The following ADAMTS17 variants were observed in gnomAD, a reference collection of about 807,000 sequenced individuals.
ADAMTS17 encodes ADAM metallopeptidase with thrombospondin type 1 motif 17.
ADAMTS17 carries 113 observed loss-of-function variants against 141.5 expected under a neutral mutation model. The observed-to-expected ratio is 0.80, with a 90% CI of 0.69 to 0.93. The LOEUF is 0.93. ADAMTS17 is among the 40% of genes least tolerant of loss of function. The pLI is 0.00. For synonymous variants in ADAMTS17, 768 were observed against 630.6 expected, an observed-to-expected ratio of 1.22 and a Z score of -3.27; for missense variants, 1,659 against 1,517.9, an observed-to-expected ratio of 1.09 and a Z score of -1.54.
intron 15 of ADAMTS17, among the ~76,000 whole-genome samples, chr15:100,095,874 C>G (rs1460161084): frequency 6.6e-6 from 1 of 152,194 alleles, no homozygotes; most frequent in Non-Finnish European, 1.5e-5. Context: ...CTCAGGTACT[C>G]CGGAGTCACA....
intron 15 of ADAMTS17, among the ~76,000 whole-genome samples, chr15:100,086,192 C>CAAA (rs979233565): frequency 2.6e-5 from 4 of 152,210 alleles, no homozygotes; most frequent in African/African-American, 9.6e-5. Flanking sequence ...GCAGAGGTTG[C>CAAA]AATCCTAGTC....
chr15:100,081,840 T>G (rs998779662), intron 15 of ADAMTS17, among the ~76,000 whole-genome samples: 1 of 152,260 alleles, frequency 6.6e-6, no homozygotes, highest in Non-Finnish European at 1.5e-5. Context: ...TCCTATACAC[T>G]TATTGACCAT....
chr15:100,187,678 C>T (rs1357834138), intron 8 of ADAMTS17, among the ~76,000 whole-genome samples: 1 of 152,162 alleles, frequency 6.6e-6, no homozygotes, highest in Non-Finnish European at 1.5e-5. Context: ...ACTCAAGACA[C>T]CCCAACAGGC....
intron 4 of ADAMTS17, among the ~76,000 whole-genome samples, chr15:100,272,052 T>C (rs2043932485): frequency 6.6e-6 from 1 of 152,208 alleles, no homozygotes. Flanking sequence ...TGAGCTCTAC[T>C]TCATTTTACT....
chr15:100,061,677 C>G (rs2033133247), intron 15 of ADAMTS17, among the ~76,000 whole-genome samples: 2 of 152,234 alleles, frequency 1.3e-5, no homozygotes, highest in Non-Finnish European at 2.9e-5. Context: ...GCCAGACACT[C>G]AGGGCTGAGC....
At chr15:100,036,158 A>G (rs73472449) in intron 18 of ADAMTS17, among the ~76,000 whole-genome samples, 1,694 of 152,340 alleles carry the variant, frequency 0.011, 37 homozygotes, top group African/African-American at 0.038. Flanking sequence ...AATGGCAGCC[A>G]TGGTGGGTGC....
At chr15:100,002,196 C>T (rs1484502988) in intron 18 of ADAMTS17, among the ~76,000 whole-genome samples, 1 of 151,948 alleles carries the variant, frequency 6.6e-6, no homozygotes, top group African/African-American at 2.4e-5. Context: ...CTCCTTTGTC[C>T]TGCCCTTTTG....
At chr15:100,127,826 C>A (rs1186831949) in intron 12 of ADAMTS17, among the ~76,000 whole-genome samples, 1 of 152,202 alleles carries the variant, frequency 6.6e-6, no homozygotes, top group Non-Finnish European at 1.5e-5. Context: ...AGGTGATCCA[C>A]CTGCCTCAGA....
At chr15:100,188,971 C>A (rs1365650979) in intron 8 of ADAMTS17, among the ~76,000 whole-genome samples, 1 of 152,266 alleles carries the variant, frequency 6.6e-6, no homozygotes, top group Non-Finnish European at 1.5e-5. Flanking sequence ...AGCTGCAACA[C>A]TGAGCATCGG....
chr15:99,993,057 G>T lies in ADAMTS17; in HGVS notation c.2940C>A (p.Asp980Glu), dbSNP rs776234546. The change falls in exon 20 of 22, where the codon GAC becomes GAA. Residue 980 changes from aspartate (D) to glutamate (E), a missense_variant. Asp to Glu is a conservative substitution (Grantham distance 45). Transcript: ENST00000268070. This position sits in a 1 kb window ranked among gnomAD's most constrained non-coding sequence, Gnocchi z 4.3. ...AGCAGGCTGCTCTCACCGTAGACCA[G>T]TCCCCAGTTTTCCACTCGTAGCAGC... Reference protein sequence around the residue: ...YSGCYEWKTGDWSTCSSTCGK... With the variant: ...YSGCYEWKTGEWSTCSSTCGK... 4 of 1,614,156 alleles carry T rather than the reference G, an allele frequency of 2.5e-6. No homozygotes were observed. Among genetic ancestry groups the T allele is most frequent in the Non-Finnish European group, 3.4e-6 (4 of 1,180,044 alleles).
In ADAMTS17 at chr15:99,974,486, C is replaced by G; in HGVS notation, c.3204G>C (p.Gln1068His). 6.2e-7 allele frequency: 1 copy of G among 1,614,246 alleles called. No homozygotes were observed. The highest frequency in any genetic ancestry group is 1.1e-5 in the South Asian group (1 of 91,090). Reference sequence around the variant, plus strand: ...AGCAGCGCTGGTACCACCGCATGTCCTGGCAGAGGTTCTTTTCTCGGATGA... The same window carrying G: ...AGCAGCGCTGGTACCACCGCATGTCGTGGCAGAGGTTCTTTTCTCGGATGA... The part of the protein sequence containing the change: ...CRVIREKNLC[Q>H]DMRWYQRCCQ... Residue 1068 changes from glutamine to histidine, a missense_variant, in exon 22 of 22, where the codon CAG becomes CAC. Physicochemically the swap from Gln to His is conservative, Grantham distance 24 (BLOSUM62 0). Coordinates refer to ENST00000268070, the MANE Select transcript of ADAMTS17 (RefSeq NM_139057.4).
At chr15:100,258,090 T>C (rs115762716) in intron 6 of ADAMTS17, among the ~76,000 whole-genome samples, 1 of 152,358 alleles carries the variant, frequency 6.6e-6, no homozygotes, top group African/African-American at 2.4e-5. Context: ...CTTGTACATA[T>C]ACAGCATATC....
intron 15 of ADAMTS17, among the ~76,000 whole-genome samples, chr15:100,077,264 T>G (rs2034439591): frequency 9.4e-6 from 1 of 106,842 alleles, no homozygotes; most frequent in Admixed American, 1.5e-4. Context: ...GCCAACATGG[T>G]GAAACCCTAT....
chr15:100,166,746 A>G (rs1311025517), intron 8 of ADAMTS17, among the ~76,000 whole-genome samples: 2 of 152,198 alleles, frequency 1.3e-5, no homozygotes, highest in African/African-American at 4.8e-5. Context: ...AAGGTTTCCA[A>G]TCTAGAAGGG....
intron 3 of ADAMTS17, among the ~76,000 whole-genome samples, chr15:100,298,603 G>GAGAA (rs2044910001): frequency 6.6e-6 from 1 of 152,198 alleles, no homozygotes; most frequent in Non-Finnish European, 1.5e-5. Flanking sequence ...CAAATGGAGG[G>GAGAA]AGAAAGAAAG....
chr15:99,971,507 T>C lies in ADAMTS17; in HGVS notation c.*2895A>G, dbSNP rs1177597262. The C allele has an allele frequency of 6.6e-6, 1 of 152,258 alleles. No individual in the cohort carries two copies. The highest frequency in any genetic ancestry group is 2.4e-5 in the African/African-American group (1 of 41,478). 9.4% of individuals were successfully genotyped at this position (152,258 alleles called of 1,614,324 possible). A position where few individuals can be genotyped will look rare whatever the true frequency, so the allele number is the denominator to read the frequency against. On this transcript the variant is annotated 3_prime_UTR_variant, in exon 22 of 22. Coordinates refer to ENST00000268070, the MANE Select transcript of ADAMTS17 (RefSeq NM_139057.4). Reference sequence around the variant, plus strand: ...TGAAATGATTAATTTTTCTATATAATTTTCATGTATAATGGCGTCCAATGT... The same window carrying C: ...TGAAATGATTAATTTTTCTATATAACTTTCATGTATAATGGCGTCCAATGT...
At chr15:100,328,057 A>G (rs2045946757) in intron 3 of ADAMTS17, among the ~76,000 whole-genome samples, 1 of 152,188 alleles carries the variant, frequency 6.6e-6, no homozygotes, top group Non-Finnish European at 1.5e-5. Context: ...GGCTACTCTC[A>G]GACCATGTCC....
chr15:100,116,131 G>A (rs2037100292), intron 13 of ADAMTS17, among the ~76,000 whole-genome samples: 1 of 80,076 alleles, frequency 1.2e-5, no homozygotes, highest in Non-Finnish European at 2.1e-5. Context: ...ACAGTTTTAG[G>A]TAAAAAAAAA....
chr15:99,984,705 T>C (rs2727215), intron 20 of ADAMTS17, among the ~76,000 whole-genome samples: 16,711 of 152,246 alleles, frequency 0.11, 2,844 homozygotes, highest in African/African-American at 0.36. Context: ...GGGACAGCAG[T>C]AGGGCTGGGT....
Sources: allele counts gnomAD v4.1 joint callset (sites outside exome capture counted in the v4.1 genomes callset), GRCh38; gene constraint gnomAD v4.1.1; non-coding constraint Gnocchi (gnomAD v3.1); transcripts MANE v1.5; gene names NCBI Gene and HGNC (gene_info 2026-07-23, HGNC 2026-07-21).